Variants in RBM20 observed in about 807,000 individuals in gnomAD.
RBM20 encodes the protein RNA-binding protein 20.
Under a neutral mutation model 110.1 loss-of-function variants are expected in RBM20, and 51 were observed. That is an observed-to-expected ratio of 0.46 (90% CI 0.37 to 0.59). RBM20 has a LOEUF of 0.59. Among genes scored for constraint, RBM20 ranks in the 20% least tolerant of loss-of-function variants. The pLI is 0.00. For synonymous variants in RBM20, 589 were observed against 618.2 expected (o/e 0.95, Z 0.70); for missense variants, 1,512 against 1,574.9 (o/e 0.96, Z 0.68).
At chr10:110,794,170 T>A (rs1036052680) in intron 5 of RBM20, among the ~76,000 whole-genome samples, 1 of 152,204 alleles carries the variant, frequency 6.6e-6, no homozygotes, top group Non-Finnish European at 1.5e-5. Context: ...AATAGCCATG[T>A]TTATGTAAAG....
intron 12 of RBM20, among the ~76,000 whole-genome samples, chr10:110,828,651 A>C (rs1845011526): frequency 6.9e-6 from 1 of 144,832 alleles, no homozygotes; most frequent in African/African-American, 2.4e-5. Context: ...TGATTCCCCT[A>C]AACATCACTT....
chr10:110,660,923 T>C (rs531487169), intron 1 of RBM20, among the ~76,000 whole-genome samples: 2 of 152,288 alleles, frequency 1.3e-5, no homozygotes, highest in South Asian at 4.1e-4. Flanking sequence ...TGGGGACCGC[T>C]GTTCTGACAA....
At chr10:110,722,206 A>G (rs1217092438) in intron 1 of RBM20, among the ~76,000 whole-genome samples, 1 of 152,204 alleles carries the variant, frequency 6.6e-6, no homozygotes, top group African/African-American at 2.4e-5. Flanking sequence ...ATTAATGGGA[A>G]GATGTATTTC....
At chr10:110,800,471 CCTT>C (rs1396578818) in intron 7 of RBM20, among the ~76,000 whole-genome samples, 4 of 152,282 alleles carry the variant, frequency 2.6e-5, no homozygotes, top group Non-Finnish European at 5.9e-5. Flanking sequence ...TCTTTTCTTT[CCTT>C]CTTTTTTGTT....
chr10:110,647,206 A>G (rs1861881485), intron 1 of RBM20, among the ~76,000 whole-genome samples: 1 of 152,216 alleles, frequency 6.6e-6, no homozygotes, highest in South Asian at 2.1e-4. Context: ...TTTGGTGTTT[A>G]GAGAACTGCC....
At chr10:110,783,011 A>G (rs563207456) in intron 2 of RBM20, among the ~76,000 whole-genome samples, 2 of 151,784 alleles carry the variant, frequency 1.3e-5, no homozygotes, top group African/African-American at 4.8e-5. Context: ...CTGGATATGA[A>G]ATAGGTGGGG....
chr10:110,831,682 A>AAAAAAAAAAAAAAAC (rs1845057003), intron 13 of RBM20, among the ~76,000 whole-genome samples: 3 of 136,500 alleles, frequency 2.2e-5, no homozygotes, highest in Non-Finnish European at 3.2e-5. Context: ...AAAAAAAAAA[A>AAAAAAAAAAAAAAAC]AAAAAAAAAC....
At chr10:110,799,213 G>C (rs1844590348) in intron 6 of RBM20, among the ~76,000 whole-genome samples, 1 of 152,162 alleles carries the variant, frequency 6.6e-6, no homozygotes, top group South Asian at 2.1e-4. Context: ...ATAGGGATCA[G>C]CTCAAGGCCA....
At chr10:110,809,674 C>T (rs968564410) in intron 7 of RBM20, among the ~76,000 whole-genome samples, 1 of 152,174 alleles carries the variant, frequency 6.6e-6, no homozygotes, top group African/African-American at 2.4e-5. Context: ...CGACTCCCAG[C>T]TTATGCCACC....
At chr10:110,819,974 A>G (rs1260686867) in intron 9 of RBM20, 98 bp from the exon 10 acceptor site, 2 of 702,278 alleles carry the variant, frequency 2.8e-6, no homozygotes, top group East Asian at 2.9e-5. Flanking sequence ...TGTGAAACCT[A>G]TCTGAGAGCT....
intron 1 of RBM20, among the ~76,000 whole-genome samples, chr10:110,646,632 C>G (rs1260955578): frequency 6.6e-6 from 1 of 152,240 alleles, no homozygotes; most frequent in Non-Finnish European, 1.5e-5. Flanking sequence ...CTTGTGCTCT[C>G]CTTAGTACCC....
intron 2 of RBM20, among the ~76,000 whole-genome samples, chr10:110,783,061 T>G (rs1844374420): frequency 3.6e-5 from 5 of 139,658 alleles, no homozygotes; most frequent in South Asian, 2.2e-4. Context: ...AGGTGGGAGG[T>G]AGGTGGTGGG....
chr10:110,741,593 T>C (rs1843725889), intron 1 of RBM20, among the ~76,000 whole-genome samples: 1 of 152,254 alleles, frequency 6.6e-6, no homozygotes, highest in East Asian at 1.9e-4. Flanking sequence ...TCCTAAATTT[T>C]CCCCGAATCT....
chr10:110,758,281 T>A (rs1843948163), intron 1 of RBM20, among the ~76,000 whole-genome samples: 1 of 151,974 alleles, frequency 6.6e-6, no homozygotes, highest in South Asian at 2.1e-4. Flanking sequence ...CCTCTCAAAG[T>A]GTTGGGATTA....
intron 1 of RBM20, among the ~76,000 whole-genome samples, chr10:110,722,334 C>T (rs1255373480): frequency 6.6e-6 from 1 of 152,078 alleles, no homozygotes; most frequent in Non-Finnish European, 1.5e-5. Flanking sequence ...CACCCCCTCC[C>T]TCACACATGC....
chr10:110,744,629 GGTGT>G (rs1211104139), intron 1 of RBM20, among the ~76,000 whole-genome samples: 8 of 152,160 alleles, frequency 5.3e-5, no homozygotes, highest in African/African-American at 1.9e-4. Context: ...AAGCCCTCCA[GGTGT>G]GTCTGAGGCC....
rs143748538 is a variant in RBM20, at chr10:110,787,887, G to A, written c.1527+2998G>A. Among the ~76,000 whole-genome samples, 145 of 152,146 alleles carry A rather than the reference G, an allele frequency of 9.5e-4. 2 individuals carry two copies. Among genetic ancestry groups the A allele is most frequent in the African/African-American group, 3.4e-3 (140 of 41,476 alleles). On this transcript the variant is annotated intron_variant, in intron 5 of 13. Coordinates refer to ENST00000369519, the MANE Select transcript of RBM20 (RefSeq NM_001134363.3). Reference sequence around the variant, plus strand: ...CAGAGAGCCCCAGTCATTGTAGGATGATAATAAAAACAACAGCCAACATTT... The same window carrying A: ...CAGAGAGCCCCAGTCATTGTAGGATAATAATAAAAACAACAGCCAACATTT...
rs11195281 is a variant in RBM20 at position 110,719,984 on chromosome 10, C to T, written c.192-60817C>T. ...TTTGATGTCTGGTGAGGGACAGCTT[C>T]CTGGTTCTTGGAGACGCCTTCTTGC... On this transcript the variant is annotated intron_variant, in intron 1 of 13. Coordinates refer to ENST00000369519, the MANE Select transcript of RBM20 (RefSeq NM_001134363.3). Among the ~76,000 whole-genome samples, 969 of 151,864 alleles carry T rather than the reference C, an allele frequency of 6.4e-3. 8 individuals carry two copies. Among genetic ancestry groups the T allele is most frequent in the African/African-American group, 0.022 (911 of 41,416 alleles).
At chr10:110,834,279 C>G (rs1303841286) in intron 13 of RBM20, among the ~76,000 whole-genome samples, 1 of 152,172 alleles carries the variant, frequency 6.6e-6, no homozygotes, top group Non-Finnish European at 1.5e-5. Context: ...GGCCCTCCAT[C>G]AGCAGCTTTG....
Sources: gnomAD v4.1 joint callset for allele counts (sites outside exome capture counted in the v4.1 genomes callset) on GRCh38, gnomAD v4.1.1 for gene constraint, MANE v1.5 for transcripts, NCBI Gene and HGNC (gene_info 2026-07-23, HGNC 2026-07-21) for gene names.